SORCS2: variants seen among roughly 807,000 people sequenced by gnomAD.
SORCS2 encodes the protein VPS10 domain-containing receptor SorCS2.
Under a neutral mutation model 141.6 loss-of-function variants are expected in SORCS2, and 100 were observed. The ratio of observed to expected loss-of-function variants is 0.71; its 90% confidence interval spans 0.60 to 0.83. The LOEUF is 0.83. Among genes scored for constraint, SORCS2 ranks in the 40% least tolerant of loss-of-function variants. The pLI is 0.00. For missense variants in SORCS2, 1,646 were observed against 1,560.2 expected, an observed-to-expected ratio of 1.05 and a Z score of -0.93; for synonymous variants, 789 against 676.9, an observed-to-expected ratio of 1.17 and a Z score of -2.57.
intron 2 of SORCS2, among the ~76,000 whole-genome samples, chr4:7,450,042 T>C (rs1728340340): frequency 6.6e-6 from 1 of 152,204 alleles, no homozygotes; most frequent in South Asian, 2.1e-4. Flanking sequence ...CTGTGTCTTG[T>C]CAGGGTTTCT....
intron 13 of SORCS2, 116 bp from the exon 14 acceptor site, chr4:7,704,061 C>G: frequency 1.2e-6 from 1 of 806,498 alleles, no homozygotes; most frequent in Non-Finnish European, 2.1e-6. Context: ...ATCACCTGCA[C>G]TGGCAAGGTT....
chr4:7,299,237 C>G (rs1208614167), intron 1 of SORCS2, among the ~76,000 whole-genome samples: 1 of 152,248 alleles, frequency 6.6e-6, no homozygotes, highest in Non-Finnish European at 1.5e-5. Context: ...GGGGCCGAGG[C>G]TGTGAGCGGG....
chr4:7,401,766 A>G (rs1006901972), intron 2 of SORCS2, among the ~76,000 whole-genome samples: 1 of 152,146 alleles, frequency 6.6e-6, no homozygotes, highest in African/African-American at 2.4e-5. Context: ...ATTTGACCTC[A>G]AGCAGGACCT....
chr4:7,715,203 C>G lies in SORCS2; in HGVS notation c.2144C>G (p.Ser715Cys), dbSNP rs1726108548. The G allele has an allele frequency of 1.2e-6, 2 of 1,613,968 alleles. No individual in the cohort carries two copies. Among genetic ancestry groups the G allele is most frequent in the African/African-American group, 1.3e-5 (1 of 75,050 alleles). ...DFLCDYGFER[S>C]SSSESSTNKC... is the part of the protein sequence containing the mutation. ...CCCAGCGACTACGGATTTGAGCGCT[C>G]CTCCTCCTCAGAGTCCAGCACCAAC... The change falls in exon 17 of 27, where the codon TCC becomes TGC. Residue 715 changes from serine to cysteine, a missense_variant. Physicochemically the swap from Ser to Cys is moderately radical, Grantham distance 112. Transcript: ENST00000507866.
At chr4:7,326,871 C>G (rs1026442883) in intron 1 of SORCS2, among the ~76,000 whole-genome samples, 2 of 152,236 alleles carry the variant, frequency 1.3e-5, no homozygotes, top group Non-Finnish European at 2.9e-5. Context: ...GAGGCTGGCA[C>G]AAGGCCAGCA....
intron 1 of SORCS2, among the ~76,000 whole-genome samples, chr4:7,337,202 T>C (rs1477654280): frequency 1.3e-5 from 2 of 152,180 alleles, no homozygotes; most frequent in South Asian, 2.1e-4. Flanking sequence ...CACTGATCCC[T>C]GCGTTCATTT....
intron 2 of SORCS2, among the ~76,000 whole-genome samples, chr4:7,466,668 G>C (rs562207495): frequency 6.6e-6 from 1 of 152,178 alleles, no homozygotes; most frequent in Non-Finnish European, 1.5e-5. Flanking sequence ...GACTGAGCCC[G>C]GGGAGCAGGG....
At chr4:7,416,885 T>C (rs892376522) in intron 2 of SORCS2, among the ~76,000 whole-genome samples, 2 of 149,766 alleles carry the variant, frequency 1.3e-5, no homozygotes, top group Admixed American at 6.6e-5. Flanking sequence ...GACACACACA[T>C]ATGCATGCAC....
chr4:7,530,436 A>G lies in SORCS2; in HGVS notation c.549-1094A>G, dbSNP rs1216082760. On this transcript the variant is annotated intron_variant, in intron 2 of 26. Coordinates refer to ENST00000507866, the MANE Select transcript of SORCS2 (RefSeq NM_020777.3). ...CAGCATAGCTCAGCAGTGATCAGAC[A>G]TGGGGAAGCCCCACAAGGCATGCTG... is the stretch of plus-strand genomic sequence containing the variant. 2.0e-5 allele frequency among the ~76,000 whole-genome samples: 3 copies of G among 152,220 alleles called. No individual in the cohort carries two copies. In the East Asian group the frequency reaches 5.8e-4, roughly 29 times the overall value.
intron 1 of SORCS2, among the ~76,000 whole-genome samples, chr4:7,343,418 C>T (rs972986559): frequency 6.6e-6 from 1 of 152,344 alleles, no homozygotes; most frequent in Non-Finnish European, 1.5e-5. Flanking sequence ...GTAAGGTCGG[C>T]GTCCCTGTCC....
chr4:7,534,254 C>T (rs1217703320), intron 3 of SORCS2, among the ~76,000 whole-genome samples: 1 of 152,190 alleles, frequency 6.6e-6, no homozygotes, highest in African/African-American at 2.4e-5. Flanking sequence ...TGGGTGCAGA[C>T]ACTGGATTTG....
rs73099726 is a variant in SORCS2 at position 7,510,992 on chromosome 4, C to T, written c.549-20538C>T. Among the ~76,000 whole-genome samples the T allele has an allele frequency of 3.3e-3, 503 of 152,348 alleles. 10 individuals are homozygous for T. Among genetic ancestry groups the T allele is most frequent in the African/African-American group, 0.011 (469 of 41,580 alleles). On this transcript the variant is annotated intron_variant, in intron 2 of 26. Transcript: ENST00000507866. ...GCCGGAACTAGGTCCCCTGCTTTCC[C>T]TGTGGTGGGGAAGAGAAGGCCACAT... is the stretch of plus-strand genomic sequence containing the variant.
intron 2 of SORCS2, among the ~76,000 whole-genome samples, chr4:7,445,662 C>G (rs150565799): frequency 2.0e-5 from 3 of 152,152 alleles, no homozygotes; most frequent in Non-Finnish European, 4.4e-5. Context: ...AGGCAAGGGC[C>G]TAAACGCTTC....
At position 7,192,605 on chromosome 4, in the gene SORCS2, C is replaced by T. The variant is rs1193368302; in HGVS notation, c.-42C>T. 59 of 987,148 alleles carry T rather than the reference C, an allele frequency of 6.0e-5. No individual in the cohort carries two copies. Among genetic ancestry groups the T allele is most frequent in the Non-Finnish European group, 6.9e-5 (57 of 831,856 alleles). 61.1% of individuals were successfully genotyped at this position (987,148 alleles called of 1,614,324 possible). ...CTCTCCCGGCCGCGGTCCCCTCGTC[C>T]GCGCCGCCCCGCCGCCGGCTCCGCT... On this transcript the variant is annotated 5_prime_UTR_variant, in exon 1 of 27. Coordinates refer to ENST00000507866, the MANE Select transcript of SORCS2 (RefSeq NM_020777.3). The surrounding 1 kb of genome is among the most constrained non-coding windows in gnomAD (Gnocchi z 4.0).
intron 19 of SORCS2, among the ~76,000 whole-genome samples, chr4:7,724,762 GGTGATGA>G (rs1727024960): frequency 1.4e-5 from 2 of 138,660 alleles, no homozygotes; most frequent in African/African-American, 3.0e-5. Flanking sequence ...TGGTGGTGTT[GGTGATGA>G]TGGTGGTGAT....
chr4:7,703,322 G>A lies in SORCS2; in HGVS notation c.1711G>A (p.Gly571Ser), dbSNP rs762247399. The change falls in exon 13 of 27, where the codon GGC becomes AGC. Residue 571 changes from glycine to serine, a missense_variant. Coordinates refer to ENST00000507866, the MANE Select transcript of SORCS2 (RefSeq NM_020777.3). The part of the protein sequence containing the change: ...EHHILYLDHG[G>S]VIVAIKDTSI... ...TCACATCCTGTACCTGGACCACGGC[G>A]GCGTGATCGTGGCCATCAAAGACAC... 5.0e-6 allele frequency: 8 copies of A among 1,613,354 alleles called. No homozygotes were observed. The highest frequency in any genetic ancestry group is 4.4e-5 in the South Asian group (4 of 90,886).
At chr4:7,665,076 C>G (rs1418956053) in intron 7 of SORCS2, among the ~76,000 whole-genome samples, 2 of 152,180 alleles carry the variant, frequency 1.3e-5, no homozygotes, top group African/African-American at 4.8e-5. Flanking sequence ...TCATCGGACT[C>G]CCATCCACTG....
intron 3 of SORCS2, among the ~76,000 whole-genome samples, chr4:7,601,974 C>G (rs1717722563): frequency 6.6e-6 from 1 of 152,178 alleles, no homozygotes; most frequent in Non-Finnish European, 1.5e-5. Context: ...TTTCAGAGAG[C>G]ACGGGGTTGG....
chr4:7,701,987 G>A lies in SORCS2; in HGVS notation c.1669-1293G>A, dbSNP rs1029649218. On this transcript the variant is annotated intron_variant, in intron 12 of 26. Transcript: ENST00000507866. ...TCAGCCGAGCCTCCTTCCTTATCCC[G>A]CCCCACATGGCACGAAGTTGCTGCA... 8.7e-5 allele frequency among the ~76,000 whole-genome samples: 12 copies of A among 138,422 alleles called. No individual in the cohort carries two copies. In the East Asian group the frequency reaches 1.3e-3, roughly 15 times the overall value. The allele number at this position is 138,422 out of a possible 152,430, so 90.8% of individuals were successfully genotyped here. A position where few individuals can be genotyped will look rare whatever the true frequency, so the allele number is the denominator to read the frequency against.
Sources: allele counts gnomAD v4.1 joint callset (sites outside exome capture counted in the v4.1 genomes callset), GRCh38; gene constraint gnomAD v4.1.1; non-coding constraint Gnocchi (gnomAD v3.1); transcripts MANE v1.5; gene names NCBI Gene and HGNC (gene_info 2026-07-23, HGNC 2026-07-21).